The following IPCEF1 variants were observed in gnomAD, a reference collection of about 807,000 sequenced individuals.
The protein encoded by IPCEF1 is interactor protein for cytohesin exchange factors 1.
Under a neutral mutation model 50.9 loss-of-function variants are expected in IPCEF1, and 31 were observed. The ratio of observed to expected loss-of-function variants is 0.61; its 90% CI spans 0.46 to 0.82. The LOEUF (loss-of-function observed/expected upper bound fraction) is 0.82. Ranked by LOEUF, IPCEF1 falls within the 40% of genes least tolerant of loss-of-function variation. The probability of loss-of-function intolerance (pLI) is 0.00; values close to 1 mark genes in which losing one functional copy is unlikely to be tolerated. For missense variants in IPCEF1, 458 were observed against 514.0 expected (o/e 0.89, Z 1.05); for synonymous variants, 181 against 192.0 (o/e 0.94, Z 0.47).
intron 9 of IPCEF1, among the ~76,000 whole-genome samples, chr6:154,209,643 C>CAAA (rs34423257): frequency 1.9e-5 from 2 of 107,920 alleles, no homozygotes; most frequent in Admixed American, 1.0e-4. Context: ...GACTGTGTCT[C>CAAA]AAAAAAAAAA....
chr6:154,230,781 T>G (rs1287976576), intron 5 of IPCEF1, among the ~76,000 whole-genome samples: 2 of 152,168 alleles, frequency 1.3e-5, no homozygotes, highest in Non-Finnish European at 2.9e-5. Flanking sequence ...GAAGACACCT[T>G]AGAATCTATG....
At chr6:154,308,876 A>G (rs751036324) in intron 1 of IPCEF1, among the ~76,000 whole-genome samples, 10 of 152,244 alleles carry the variant, frequency 6.6e-5, no homozygotes, top group African/African-American at 1.7e-4. Context: ...CTATTTTTCA[A>G]TTTAAATTAG....
At chr6:154,339,627 T>C (rs1026370441) in intron 1 of IPCEF1, among the ~76,000 whole-genome samples, 2 of 151,910 alleles carry the variant, frequency 1.3e-5, no homozygotes, top group South Asian at 2.1e-4. Context: ...TCTCGCTCTG[T>C]TACCCAGACT....
At chr6:154,175,275 G>C (rs1222899768) in intron 10 of IPCEF1, among the ~76,000 whole-genome samples, 2 of 151,886 alleles carry the variant, frequency 1.3e-5, no homozygotes, top group East Asian at 3.9e-4. Flanking sequence ...AGAGAAGTAA[G>C]AGCAAACAAA....
At chr6:154,326,754 C>T (rs919444564) in intron 1 of IPCEF1, among the ~76,000 whole-genome samples, 4 of 152,084 alleles carry the variant, frequency 2.6e-5, no homozygotes, top group African/African-American at 9.7e-5. Flanking sequence ...CCCAAATAGC[C>T]AAGACAATCC....
At chr6:154,296,099 G>A (rs1782649673) in intron 1 of IPCEF1, among the ~76,000 whole-genome samples, 1 of 152,202 alleles carries the variant, frequency 6.6e-6, no homozygotes, top group South Asian at 2.1e-4. Flanking sequence ...TATGCTGTGG[G>A]CTCTGTGCAT....
intron 1 of IPCEF1, among the ~76,000 whole-genome samples, chr6:154,303,758 C>CA (rs1188181348): frequency 6.6e-6 from 1 of 151,868 alleles, no homozygotes; most frequent in East Asian, 1.9e-4. Flanking sequence ...CTTCTCTCTG[C>CA]AAAAAAATTA....
chr6:154,167,877 C>A, intron 11 of IPCEF1, 43 bp downstream of exon 11: 1 of 1,438,514 alleles, frequency 7.0e-7, no homozygotes, highest in Non-Finnish European at 9.6e-7. Context: ...CCGTTCCTTG[C>A]CCCACATCCA....
At chr6:154,223,337 T>A in intron 5 of IPCEF1, 94 bp from the exon 6 acceptor site, 1 of 971,826 alleles carries the variant, frequency 1.0e-6, no homozygotes, top group East Asian at 2.6e-5. Context: ...ATGGTATAAA[T>A]GACATGAGGG....
intron 11 of IPCEF1, among the ~76,000 whole-genome samples, chr6:154,167,000 G>T (rs2128553082): frequency 6.6e-6 from 1 of 152,166 alleles, no homozygotes; most frequent in South Asian, 2.1e-4. Context: ...CTTTTAGGGT[G>T]TTCAGATGTT....
rs1391578821 is a variant in IPCEF1, at chr6:154,158,591, A to G, written c.*1237T>C. 6 of 152,210 alleles carry G rather than the reference A, an allele frequency of 3.9e-5. No homozygotes were observed. The highest frequency in any genetic ancestry group is 8.8e-5 in the Non-Finnish European group (6 of 68,040). The allele number at this position is 152,210 out of a possible 1,614,324, so 9.4% of individuals were successfully genotyped here. On this transcript the variant is annotated 3_prime_UTR_variant, in exon 12 of 12. Transcript: ENST00000367220. ...GAGCTCATGGGGGTTGGGGTGGGGA[A>G]GAAAATGAAAAATTATGAATGCATG...
intron 10 of IPCEF1, among the ~76,000 whole-genome samples, chr6:154,198,968 A>G (rs987965826): frequency 8.5e-5 from 13 of 152,246 alleles, no homozygotes; most frequent in Admixed American, 7.2e-4. Context: ...ATCAGAAAAG[A>G]TACGTCACGA....
intron 6 of IPCEF1, among the ~76,000 whole-genome samples, chr6:154,221,670 G>A (rs1406673799): frequency 2.6e-5 from 4 of 151,984 alleles, no homozygotes; most frequent in Admixed American, 6.6e-5. Flanking sequence ...TCAGGAGATC[G>A]AGACCATCCT....
intron 10 of IPCEF1, 27 bp downstream of exon 10, chr6:154,199,641 C>A: frequency 1.9e-6 from 3 of 1,552,222 alleles, no homozygotes; most frequent in Non-Finnish European, 2.6e-6. Context: ...CACTCTCTAA[C>A]GAAGAATAAA....
chr6:154,188,351 A>G (rs1801567565), intron 10 of IPCEF1, among the ~76,000 whole-genome samples: 1 of 152,226 alleles, frequency 6.6e-6, no homozygotes, highest in South Asian at 2.1e-4. Flanking sequence ...AAGATGTAAG[A>G]AAGACAAATA....
intron 10 of IPCEF1, among the ~76,000 whole-genome samples, chr6:154,191,630 C>A (rs1686187856): frequency 1.3e-5 from 2 of 151,970 alleles, no homozygotes; most frequent in South Asian, 4.2e-4. Context: ...GCCGAGATCA[C>A]GCCACTGCAC....
chr6:154,265,891 G>T, intron 3 of IPCEF1, 21 bp downstream of exon 3: 1 of 1,552,150 alleles, frequency 6.4e-7, no homozygotes, highest in Non-Finnish European at 8.8e-7. Flanking sequence ...TAAAGCCTGG[G>T]GTATTCCAAA....
intron 10 of IPCEF1, among the ~76,000 whole-genome samples, chr6:154,183,066 G>T (rs1033789869): frequency 4.0e-5 from 6 of 151,556 alleles, no homozygotes; most frequent in Non-Finnish European, 8.8e-5. Flanking sequence ...TGCAACCTCT[G>T]CCTCCCAGGT....
At chr6:154,229,099 G>A (rs1250397991) in intron 5 of IPCEF1, among the ~76,000 whole-genome samples, 1 of 152,148 alleles carries the variant, frequency 6.6e-6, no homozygotes, top group African/African-American at 2.4e-5. Context: ...CCCCAGGGGC[G>A]GCCCTCCCTT....
Sources: gnomAD v4.1 joint callset for allele counts (sites outside exome capture counted in the v4.1 genomes callset) on GRCh38, gnomAD v4.1.1 for gene constraint, MANE v1.5 for transcripts, NCBI Gene and HGNC (gene_info 2026-07-23, HGNC 2026-07-21) for gene names.